The following FMNL3 variants were observed in gnomAD, a reference collection of about 807,000 sequenced individuals.
FMNL3 encodes the protein formin-like protein 3.
Under a neutral mutation model 119.6 loss-of-function variants are expected in FMNL3, and 57 were observed. That is an observed-to-expected ratio of 0.48 (90% CI 0.39 to 0.59). The LOEUF is 0.59. Among genes scored for constraint, FMNL3 ranks in the 20% least tolerant of loss-of-function variants. The pLI, the probability that FMNL3 is intolerant of heterozygous loss-of-function variation, is 0.00. For synonymous variants in FMNL3, 491 were observed against 507.3 expected, an observed-to-expected ratio of 0.97 and a Z score of 0.43; for missense variants, 1,053 against 1,323.5, an observed-to-expected ratio of 0.80 and a Z score of 3.17.
intron 1 of FMNL3, among the ~76,000 whole-genome samples, chr12:49,695,715 G>A (rs1266990071): frequency 3.9e-5 from 6 of 152,150 alleles, no homozygotes; most frequent in African/African-American, 1.4e-4. Context: ...AAAAAACAGA[G>A]TGTTGTCTTA....
chr12:49,649,136 T>C lies in FMNL3; in HGVS notation c.2408A>G (p.Asp803Gly). The change falls in exon 21 of 26, where the codon GAC (aspartate) becomes GGC (glycine). Residue 803 changes from aspartate to glycine, a missense_variant. Coordinates refer to ENST00000335154, the MANE Select transcript of FMNL3 (RefSeq NM_175736.5). The surrounding 1 kb of genome is among the most constrained non-coding windows in gnomAD (Gnocchi z 5.6). ...LDLLLDTKST[D>G]RKMTLLHFIA... is the part of the protein sequence containing the mutation. ...GAAATGAAGCAGTGTCATCTTCCGGTCAGTGGACTTGGTATCCAGCAGCTA... is the reference window on the plus strand; with the variant it reads ...GAAATGAAGCAGTGTCATCTTCCGGCCAGTGGACTTGGTATCCAGCAGCTA... The C allele has an allele frequency of 6.2e-7, 1 of 1,613,452 alleles. No individual in the cohort carries two copies. Among genetic ancestry groups the C allele is most frequent in the South Asian group, 1.1e-5 (1 of 90,982 alleles).
intron 1 of FMNL3, among the ~76,000 whole-genome samples, chr12:49,687,415 C>A (rs575605108): frequency 2.0e-5 from 3 of 151,716 alleles, no homozygotes; most frequent in African/African-American, 7.3e-5. Flanking sequence ...TTTTAAGAGA[C>A]GGGGTTGTCC....
intron 1 of FMNL3, among the ~76,000 whole-genome samples, chr12:49,680,897 G>A (rs1472623978): frequency 1.3e-5 from 2 of 152,200 alleles, no homozygotes; most frequent in Admixed American, 1.3e-4. Flanking sequence ...AAACCCAGAC[G>A]TGTGGCCTCC....
In FMNL3 at chr12:49,649,569, C is replaced by A. The variant is rs1201124468; in HGVS notation, c.2236-31G>T. 2 of 1,613,874 alleles carry A rather than the reference C, an allele frequency of 1.2e-6. No individual in the cohort carries two copies. The highest frequency in any genetic ancestry group is 1.3e-5 in the African/African-American group (1 of 74,928). On this transcript the variant is annotated intron_variant, in intron 18 of 25. Transcript: ENST00000335154. This position sits in a 1 kb window ranked among gnomAD's most constrained non-coding sequence, Gnocchi z 5.6. Reference sequence around the variant, plus strand: ...GGACAATATGAACACTGAAGTAACCCCAGGCTGAGATGGGGTAAAGACAGG... The same window carrying A: ...GGACAATATGAACACTGAAGTAACCACAGGCTGAGATGGGGTAAAGACAGG...
Position 49,649,687 on chromosome 12 carries a change from G to T in FMNL3, c.2235+4C>A, listed in dbSNP as rs750655242. ...CAGAGCCATGAGTTGGGTGGGGGCT[G>T]TACCGGTGTGAGCATCTGCAGGTTA... On this transcript the variant is annotated splice_donor_region_variant and intron_variant, in intron 18 of 25. Coordinates refer to ENST00000335154, the MANE Select transcript of FMNL3 (RefSeq NM_175736.5). This position sits in a 1 kb window ranked among gnomAD's most constrained non-coding sequence, Gnocchi z 5.6. 1.6e-5 allele frequency: 26 copies of T among 1,614,050 alleles called. No homozygotes were observed. Among genetic ancestry groups the T allele is most frequent in the Non-Finnish European group, 2.2e-5 (26 of 1,179,924 alleles).
intron 1 of FMNL3, among the ~76,000 whole-genome samples, chr12:49,684,097 C>T (rs192619637): frequency 4.3e-4 from 66 of 152,288 alleles, no homozygotes; most frequent in African/African-American, 1.4e-3. Flanking sequence ...GTGTTTGTCT[C>T]CCCCTCTAGA....
chr12:49,644,075 G>A lies in FMNL3; in HGVS notation c.*1740C>T. ...CCACGGCCCTTAGTGCAGGCTAAGGGTGAACTGTGCCTTTGCTCCAACAGA... is the reference window on the plus strand; with the variant it reads ...CCACGGCCCTTAGTGCAGGCTAAGGATGAACTGTGCCTTTGCTCCAACAGA... On this transcript the variant is annotated 3_prime_UTR_variant, in exon 26 of 26. Coordinates refer to ENST00000335154, the MANE Select transcript of FMNL3 (RefSeq NM_175736.5). The A allele has an allele frequency of 6.2e-7, 1 of 1,614,226 alleles. No individual in the cohort carries two copies. The highest frequency in any genetic ancestry group is 1.3e-5 in the African/African-American group (1 of 75,060).
chr12:49,679,985 C>T (rs192925521), intron 1 of FMNL3, among the ~76,000 whole-genome samples: 144 of 152,314 alleles, frequency 9.5e-4, no homozygotes, highest in Non-Finnish European at 4.4e-4. Context: ...ATGGAAAAGT[C>T]ACTTCTCTCT....
chr12:49,690,660 A>G (rs1224517167), intron 1 of FMNL3, among the ~76,000 whole-genome samples: 1 of 152,184 alleles, frequency 6.6e-6, no homozygotes, highest in Non-Finnish European at 1.5e-5. Flanking sequence ...TCTTTCCACC[A>G]CACCTCTTAG....
At position 49,662,008 on chromosome 12, in the gene FMNL3, T is replaced by G; in HGVS notation, c.410A>C (p.Asp137Ala). 6.2e-7 allele frequency: 1 copy of G among 1,614,050 alleles called. No individual in the cohort carries two copies. The highest frequency in any genetic ancestry group is 8.5e-7 in the Non-Finnish European group (1 of 1,179,996). Residue 137 changes from aspartate to alanine, a missense_variant, in exon 5 of 26, where the codon GAT becomes GCT. This residue lies in a region of FMNL3 where 264 missense variants were observed against 265.5 expected (regional missense o/e 0.99). Transcript: ENST00000335154. ...AAAGGACAGGTAATCCACCAGTACA[T>G]CCAGGCCTTTGTTTTCATCATTCAG... ...EFLNDENKGLDVLVDYLSFAQ... is the reference protein window; with the variant it reads ...EFLNDENKGLAVLVDYLSFAQ...
In FMNL3 at chr12:49,642,180, GGACCTGGCATCCACCCTCC is replaced by G. The variant is rs1279823892; in HGVS notation, c.*3616_*3634del. The G allele has an allele frequency of 1.4e-5, 22 of 1,613,334 alleles. No homozygotes were observed. The South Asian group carries it at 1.8e-4, about 13-fold the overall frequency. On this transcript the variant is annotated 3_prime_UTR_variant, in exon 26 of 26. Transcript: ENST00000335154. The surrounding 1 kb of genome is among the most constrained non-coding windows in gnomAD (Gnocchi z 5.8). Reference sequence around the variant, plus strand: ...CCACCTCCTAAGGTATGCCTGAGTGGGACCTGGCATCCACCCTCCTGGGTGACCCTGTTCCGTGTCCCTT... The same window carrying G: ...CCACCTCCTAAGGTATGCCTGAGTGGTGGGTGACCCTGTTCCGTGTCCCTT...
Position 49,637,136 on chromosome 12 carries a change from G to T in FMNL3, c.*8679C>A. 1 of 578,022 alleles carries T rather than the reference G, an allele frequency of 1.7e-6. No homozygotes were observed. Among genetic ancestry groups the T allele is most frequent in the Non-Finnish European group, 3.1e-6 (1 of 326,554 alleles). 35.8% of individuals were successfully genotyped at this position (578,022 alleles called of 1,614,324 possible). ...TAGGCCATGTTTATTTCCCTTGGTG[G>T]GGCACCCGACAGGCAGAGTTTATTC... is the stretch of plus-strand genomic sequence containing the variant. On this transcript the variant is annotated 3_prime_UTR_variant, in exon 26 of 26. Coordinates refer to ENST00000335154, the MANE Select transcript of FMNL3 (RefSeq NM_175736.5).
Position 49,650,855 on chromosome 12 carries a change from T to C in FMNL3, c.1821A>G (p.Glu607=). 2 of 1,614,220 alleles carry C rather than the reference T, an allele frequency of 1.2e-6. No individual in the cohort carries two copies. The highest frequency in any genetic ancestry group is 8.5e-7 in the Non-Finnish European group (1 of 1,180,026). Residue 607 remains glutamate, a synonymous_variant, in exon 17 of 26, where the codon GAA becomes GAG. Transcript: ENST00000335154. The part of the protein sequence containing the change: ...ILEDLDLDKF[E]ELFKTKAQGP... ...CCTGCGCTTTTGTCTTGAATAATTC[T>C]TCAAACTTATCAAGATCCAGGTCCT...
At chr12:49,681,369 G>A (rs1183340505) in intron 1 of FMNL3, among the ~76,000 whole-genome samples, 3 of 152,108 alleles carry the variant, frequency 2.0e-5, no homozygotes, top group African/African-American at 7.2e-5. Context: ...TCCCAGCTAA[G>A]TTTTTGTATT....
At chr12:49,679,790 G>C (rs1944290039) in intron 1 of FMNL3, among the ~76,000 whole-genome samples, 1 of 152,032 alleles carries the variant, frequency 6.6e-6, no homozygotes. Flanking sequence ...CAAAGTGTTG[G>C]GATTACAGGC....
At position 49,644,130 on chromosome 12, in the gene FMNL3, A is replaced by G. The variant is rs1421738062; in HGVS notation, c.*1685T>C. 1 of 1,614,128 alleles carries G rather than the reference A, an allele frequency of 6.2e-7. No homozygotes were observed. Among genetic ancestry groups the G allele is most frequent in the Non-Finnish European group, 8.5e-7 (1 of 1,180,026 alleles). On this transcript the variant is annotated 3_prime_UTR_variant, in exon 26 of 26. Transcript: ENST00000335154. ...CTGGGACACGTCAGAAAGTGAGCTG[A>G]GTGAGGGTGAGCTGGAGAGGCGGCG...
At chr12:49,651,511 T>G in intron 14 of FMNL3, 61 bp from the exon 15 acceptor site, 1 of 1,248,372 alleles carries the variant, frequency 8.0e-7, no homozygotes, top group Non-Finnish European at 1.0e-6. Flanking sequence ...TAGGCTTCCC[T>G]CCCCTCTGCC....
At position 49,636,534 on chromosome 12, in the gene FMNL3, A is replaced by T. The variant is rs554480017; in HGVS notation, c.*9281T>A. On this transcript the variant is annotated 3_prime_UTR_variant, in exon 26 of 26. Transcript: ENST00000335154. ...CTTATTTATTCTTATACAATTAATG[A>T]TCCCCTCTTAAGAACTACCATTGCA... 2 of 619,846 alleles carry T rather than the reference A, an allele frequency of 3.2e-6. No homozygotes were observed. Among genetic ancestry groups the T allele is most frequent in the South Asian group, 4.5e-5 (2 of 44,642 alleles). The allele number at this position is 619,846 out of a possible 1,614,324, so 38.4% of individuals were successfully genotyped here.
chr12:49,662,536 T>G (rs1011050343), intron 4 of FMNL3, among the ~76,000 whole-genome samples: 1 of 152,330 alleles, frequency 6.6e-6, no homozygotes, highest in Non-Finnish European at 1.5e-5. Context: ...AGAGGCATCC[T>G]GGGGCAAAGC....
Sources: allele counts gnomAD v4.1 joint callset (sites outside exome capture counted in the v4.1 genomes callset), GRCh38; gene constraint gnomAD v4.1.1; regional missense constraint gnomAD v4.1.1; non-coding constraint Gnocchi (gnomAD v3.1); transcripts MANE v1.5; gene names NCBI Gene and HGNC (gene_info 2026-07-23, HGNC 2026-07-21).